The following CALN1 variants were observed in gnomAD, a reference collection of about 807,000 sequenced individuals.
CALN1 encodes the protein calneuron 1.
CALN1 carries 17 observed loss-of-function variants against 30.6 expected under a neutral mutation model. The observed-to-expected ratio is 0.56, with a 90% CI of 0.38 to 0.83. The LOEUF is 0.83. CALN1 is among the 40% of genes least tolerant of loss of function. The pLI, the probability that CALN1 is intolerant of heterozygous loss-of-function variation, is 0.00. For synonymous variants in CALN1, 156 were observed against 131.4 expected (o/e 1.19, Z -1.28); for missense variants, 291 against 354.9 (o/e 0.82, Z 1.45).
intron 5 of CALN1, among the ~76,000 whole-genome samples, chr7:71,840,485 T>TAAAAAAA (rs61579583): frequency 9.9e-6 from 1 of 101,344 alleles, no homozygotes; most frequent in East Asian, 3.2e-4. Flanking sequence ...ATGCTCTCTT[T>TAAAAAAA]AAAAAAAAAA....
chr7:71,909,269 G>A (rs967923506), intron 5 of CALN1, among the ~76,000 whole-genome samples: 2 of 152,168 alleles, frequency 1.3e-5, no homozygotes, highest in East Asian at 1.9e-4. Flanking sequence ...TATTACAGGC[G>A]TGAGCCACTG....
chr7:72,025,065 C>T (rs747338406), intron 4 of CALN1, among the ~76,000 whole-genome samples: 1 of 152,248 alleles, frequency 6.6e-6, no homozygotes, highest in South Asian at 2.1e-4. Context: ...AATCCCAGCA[C>T]TTTGGAAGGC....
intron 3 of CALN1, among the ~76,000 whole-genome samples, chr7:72,159,003 C>G (rs1404986950): frequency 6.6e-6 from 1 of 152,022 alleles, no homozygotes; most frequent in Non-Finnish European, 1.5e-5. Flanking sequence ...CAGGCATAAG[C>G]CACTATGCCT....
At chr7:72,497,646 T>G in the CALN1 span, among the ~76,000 whole-genome samples, 5 of 152,164 alleles carry the variant, frequency 3.3e-5, no homozygotes, top group African/African-American at 1.2e-4. Context: ...ACTAAACTTC[T>G]GGGTGATCTG....
Position 71,822,016 on chromosome 7 carries a change from G to A in CALN1, c.502-11524C>T, listed in dbSNP as rs564201667. ...ACTCCTGAGCTCAAGTAATCTGTCC[G>A]CCTCAGCCTCCCAAAGTTCTGTGAC... is the stretch of plus-strand genomic sequence containing the variant. On this transcript the variant is annotated intron_variant, in intron 5 of 6. Coordinates refer to ENST00000395275, the MANE Select transcript of CALN1 (RefSeq NM_031468.4). Among the ~76,000 whole-genome samples, 91 of 151,914 alleles carry A rather than the reference G, an allele frequency of 6.0e-4. 1 individual carries two copies. Among genetic ancestry groups the A allele is most frequent in the Admixed American group, 3.0e-3 (46 of 15,244 alleles).
intron 5 of CALN1, among the ~76,000 whole-genome samples, chr7:71,907,972 C>T (rs1341014714): frequency 2.6e-5 from 4 of 152,200 alleles, no homozygotes; most frequent in Admixed American, 6.5e-5. Context: ...ATGGGGGCAA[C>T]GTTGAAACAA....
intron 3 of CALN1, among the ~76,000 whole-genome samples, chr7:72,109,379 CTTCT>C (rs1807400265): frequency 6.6e-6 from 1 of 152,122 alleles, no homozygotes; most frequent in South Asian, 2.1e-4. Flanking sequence ...TCCTCCAGCC[CTTCT>C]TTCTGTGCAT....
chr7:72,067,460 G>C (rs1401503810), intron 4 of CALN1, among the ~76,000 whole-genome samples: 2 of 151,884 alleles, frequency 1.3e-5, no homozygotes, highest in Non-Finnish European at 2.9e-5. Flanking sequence ...ATGTTGCCCA[G>C]GCTGGTCTCA....
intron 3 of CALN1, among the ~76,000 whole-genome samples, chr7:72,247,232 T>C (rs1400620049): frequency 7.0e-5 from 1 of 14,376 alleles, no homozygotes; most frequent in Non-Finnish European, 1.2e-4. Context: ...TCTTTCTTTT[T>C]TTTTTTTTTT....
intron 2 of CALN1, among the ~76,000 whole-genome samples, chr7:72,311,918 A>G (rs1800082130): frequency 6.6e-6 from 1 of 152,052 alleles, no homozygotes; most frequent in East Asian, 1.9e-4. Flanking sequence ...CCAAGAAATG[A>G]GCATAGGAGA....
intron 3 of CALN1, among the ~76,000 whole-genome samples, chr7:72,163,564 G>C (rs1419398295): frequency 1.3e-5 from 2 of 152,114 alleles, no homozygotes; most frequent in Admixed American, 6.6e-5. Flanking sequence ...TGACTAGATG[G>C]AGAACCTCTG....
At chr7:72,054,112 C>T (rs1563014783) in intron 4 of CALN1, among the ~76,000 whole-genome samples, 1 of 152,036 alleles carries the variant, frequency 6.6e-6, no homozygotes, top group Non-Finnish European at 1.5e-5. Flanking sequence ...CACGCATGTG[C>T]AAGTACCTTT....
chr7:72,002,555 C>T (rs1414850105), intron 5 of CALN1, among the ~76,000 whole-genome samples: 2 of 151,708 alleles, frequency 1.3e-5, no homozygotes, highest in African/African-American at 2.4e-5. Context: ...CTAGCCAGCT[C>T]AATAAAATAA....
intron 3 of CALN1, among the ~76,000 whole-genome samples, chr7:72,229,697 C>A (rs1008368200): frequency 2.0e-5 from 3 of 152,084 alleles, no homozygotes; most frequent in Admixed American, 6.5e-5. Context: ...AAACCAAACA[C>A]CGCATGTTCT....
chr7:72,487,707 G>GA, the CALN1 span, among the ~76,000 whole-genome samples: 1 of 66,260 alleles, frequency 1.5e-5, no homozygotes, highest in Non-Finnish European at 2.6e-5. Flanking sequence ...AGAAAGAAAA[G>GA]AAAAGAAAAG....
chr7:71,889,733 T>C (rs1312199776), intron 5 of CALN1, among the ~76,000 whole-genome samples: 3 of 152,166 alleles, frequency 2.0e-5, no homozygotes, highest in Non-Finnish European at 4.4e-5. Flanking sequence ...GGTGGGCAGA[T>C]CACCTGAGGT....
At chr7:72,274,737 G>A (rs553748463) in intron 3 of CALN1, among the ~76,000 whole-genome samples, 4 of 152,208 alleles carry the variant, frequency 2.6e-5, no homozygotes, top group East Asian at 1.9e-4. Context: ...CTACCTAGAA[G>A]GCATTTCCTC....
At chr7:72,005,838 C>T (rs1277569929) in intron 5 of CALN1, among the ~76,000 whole-genome samples, 6 of 152,100 alleles carry the variant, frequency 3.9e-5, no homozygotes, top group Non-Finnish European at 8.8e-5. Flanking sequence ...CATTAAAGGG[C>T]AACAGGGGTG....
chr7:72,046,697 G>A (rs112045785), intron 4 of CALN1, among the ~76,000 whole-genome samples: 3 of 126,858 alleles, frequency 2.4e-5, no homozygotes, highest in East Asian at 4.9e-4. Context: ...GCAACAGAGC[G>A]AGACTCCCTC....
Sources: gnomAD v4.1 joint callset for allele counts (sites outside exome capture counted in the v4.1 genomes callset) on GRCh38, gnomAD v4.1.1 for gene constraint, MANE v1.5 for transcripts, NCBI Gene and HGNC (gene_info 2026-07-23, HGNC 2026-07-21) for gene names.